The following SYNCRIP variants were observed in gnomAD, a reference collection of about 807,000 sequenced individuals.
SYNCRIP encodes the protein heterogeneous nuclear ribonucleoprotein Q.
A neutral mutation model predicts 68.9 loss-of-function variants in SYNCRIP; 9 were observed. That is an observed-to-expected ratio of 0.13 (90% CI 0.08 to 0.23). The LOEUF (loss-of-function observed/expected upper bound fraction) is 0.23. Among genes scored for constraint, SYNCRIP ranks in the 10% least tolerant of loss-of-function variants. The pLI, the probability that SYNCRIP is intolerant of heterozygous loss-of-function variation, is 1.00. For missense variants in SYNCRIP, 414 were observed against 770.6 expected (o/e 0.54, Z 5.48); for synonymous variants, 258 against 254.0 (o/e 1.02, Z -0.15).
chr6:85,635,947 CG>C (rs1225119043), intron 6 of SYNCRIP, among the ~76,000 whole-genome samples: 1 of 151,938 alleles, frequency 6.6e-6, no homozygotes, highest in African/African-American at 2.4e-5. Flanking sequence ...CCACAGGATA[CG>C]TAAGCCAGAT....
chr6:85,635,466 A>G (rs922061191), intron 6 of SYNCRIP, among the ~76,000 whole-genome samples: 1 of 152,180 alleles, frequency 6.6e-6, no homozygotes, highest in African/African-American at 2.4e-5. Context: ...GAATATTCAC[A>G]CAACATAGAA....
intron 8 of SYNCRIP, among the ~76,000 whole-genome samples, chr6:85,620,500 T>C (rs1351357057): frequency 1.3e-5 from 2 of 152,108 alleles, no homozygotes; most frequent in Non-Finnish European, 2.9e-5. Context: ...CTGCCAGTGG[T>C]TGAATGGGGA....
chr6:85,620,397 T>C (rs2758844), intron 8 of SYNCRIP, among the ~76,000 whole-genome samples: 39,035 of 152,062 alleles, frequency 0.26, 6,455 homozygotes, highest in East Asian at 0.39. Context: ...TTTAAATATG[T>C]ATTACTAAGA....
At chr6:85,637,208 T>G (rs1423157406) in intron 5 of SYNCRIP, 35 bp downstream of exon 5, 1 of 1,608,290 alleles carries the variant, frequency 6.2e-7, no homozygotes, top group Non-Finnish European at 8.5e-7. Flanking sequence ...ACCTGTGCTT[T>G]TACTACAAAA....
At chr6:85,636,656 C>A (rs943766124) in intron 6 of SYNCRIP, among the ~76,000 whole-genome samples, 1 of 152,036 alleles carries the variant, frequency 6.6e-6, no homozygotes, top group African/African-American at 2.4e-5. Context: ...AGAGCTCTTA[C>A]CACAGTTACT....
chr6:85,629,516 C>CG (rs1807458789), intron 6 of SYNCRIP, among the ~76,000 whole-genome samples: 3 of 64,924 alleles, frequency 4.6e-5, no homozygotes, highest in African/African-American at 7.3e-5. Flanking sequence ...ACTAAAAATA[C>CG]AAAAAAAAAA....
intron 10 of SYNCRIP, among the ~76,000 whole-genome samples, chr6:85,618,089 G>A (rs1250388299): frequency 6.6e-6 from 1 of 152,122 alleles, no homozygotes; most frequent in African/African-American, 2.4e-5. Context: ...GTGGCAATGA[G>A]CACTACTGGT....
chr6:85,641,622 G>T (rs1809166834), intron 1 of SYNCRIP, among the ~76,000 whole-genome samples, 171 bp from the exon 2 acceptor site: 1 of 152,078 alleles, frequency 6.6e-6, no homozygotes, highest in Non-Finnish European at 1.5e-5. Flanking sequence ...TGGAGCACAG[G>T]GCACAGAAGG....
At chr6:85,637,187 G>C (rs778009321) in intron 5 of SYNCRIP, 44 bp from the exon 6 acceptor site, 9 of 1,606,628 alleles carry the variant, frequency 5.6e-6, no homozygotes, top group Non-Finnish European at 7.7e-6. Flanking sequence ...AATTGCTTTA[G>C]GAAACCAGAT....
At chr6:85,616,207 T>C (rs1293141325) in intron 10 of SYNCRIP, among the ~76,000 whole-genome samples, 4 of 152,244 alleles carry the variant, frequency 2.6e-5, no homozygotes, top group African/African-American at 7.2e-5. Context: ...TACAATTTTA[T>C]ACAATTCCTT....
At chr6:85,618,189 T>C (rs776946055) in intron 10 of SYNCRIP, among the ~76,000 whole-genome samples, 7 of 152,142 alleles carry the variant, frequency 4.6e-5, no homozygotes, top group Non-Finnish European at 1.0e-4. Flanking sequence ...TATTAAGATA[T>C]TTGGACAGCT....
intron 6 of SYNCRIP, among the ~76,000 whole-genome samples, chr6:85,631,422 T>G (rs1407779032): frequency 1.3e-5 from 2 of 149,132 alleles, no homozygotes; most frequent in Non-Finnish European, 3.0e-5. Context: ...GGGAAAGAGG[T>G]AAGAAGGAAC....
intron 6 of SYNCRIP, among the ~76,000 whole-genome samples, chr6:85,625,158 A>G (rs1313177382): frequency 2.0e-5 from 3 of 152,178 alleles, no homozygotes; most frequent in East Asian, 1.9e-4. Context: ...AAAATTTAAT[A>G]AAGTTCAAAT....
intron 10 of SYNCRIP, among the ~76,000 whole-genome samples, chr6:85,615,868 G>A (rs1004974327): frequency 2.6e-5 from 4 of 152,180 alleles, no homozygotes; most frequent in Admixed American, 2.0e-4. Context: ...CAATATACTT[G>A]AAGAACATTT....
chr6:85,618,991 A>C, intron 9 of SYNCRIP, 52 bp from the exon 10 acceptor site: 1 of 1,538,432 alleles, frequency 6.5e-7, no homozygotes, highest in South Asian at 1.2e-5. Flanking sequence ...TACAATTATG[A>C]TTCATTTAAA....
At chr6:85,615,401 G>A in intron 10 of SYNCRIP, 54 bp from the exon 11 acceptor site, 1 of 1,234,184 alleles carries the variant, frequency 8.1e-7, no homozygotes, top group Non-Finnish European at 1.1e-6. Context: ...TAGTTAACAA[G>A]TAGGCATTTA....
intron 6 of SYNCRIP, among the ~76,000 whole-genome samples, chr6:85,625,288 G>A (rs1184647627): frequency 6.6e-6 from 1 of 151,776 alleles, no homozygotes; most frequent in African/African-American, 2.4e-5. Flanking sequence ...TTATGCCAGA[G>A]ACACAACATT....
downstream of SYNCRIP, chr6:85,612,868 T>TA: frequency 6.4e-7 from 1 of 1,550,466 alleles, no homozygotes; most frequent in South Asian, 1.2e-5. Context: ...TAATCCCACA[T>TA]AGCAAGTCAG....
intron 10 of SYNCRIP, among the ~76,000 whole-genome samples, chr6:85,616,013 A>G (rs575805033): frequency 6.6e-6 from 1 of 152,362 alleles, no homozygotes; most frequent in South Asian, 2.1e-4. Flanking sequence ...GTAAAATTTA[A>G]AAGATCTGCT....
Sources: allele counts gnomAD v4.1 joint callset (sites outside exome capture counted in the v4.1 genomes callset), GRCh38; gene constraint gnomAD v4.1.1; transcripts MANE v1.5; gene names NCBI Gene and HGNC (gene_info 2026-07-23, HGNC 2026-07-21).